Variants in SLIT2 observed in about 807,000 individuals in gnomAD.
The protein encoded by SLIT2 is slit homolog 2 protein.
A neutral mutation model predicts 185.7 loss-of-function variants in SLIT2; 41 were observed. The ratio of observed to expected loss-of-function variants is 0.22; its 90% CI spans 0.17 to 0.29. The LOEUF (loss-of-function observed/expected upper bound fraction) is 0.29, where lower values mean the gene tolerates loss of function less well. Ranked by LOEUF, SLIT2 falls within the 10% of genes least tolerant of loss-of-function variation. SLIT2 has a pLI of 1.00. For missense variants in SLIT2, 1,571 were observed against 1,909.0 expected (o/e 0.82, Z 3.30); for synonymous variants, 693 against 680.2 (o/e 1.02, Z -0.29).
rs994857270 is a variant in SLIT2 at position 20,253,643 on chromosome 4, T to C, written c.-173T>C. 8 of 693,320 alleles carry C rather than the reference T, an allele frequency of 1.2e-5. No individual in the cohort carries two copies. In the African/African-American group the frequency reaches 1.4e-4, roughly 12 times the overall value. The allele number at this position is 693,320 out of a possible 1,614,324, so 42.9% of individuals were successfully genotyped here. A position where few individuals can be genotyped will look rare whatever the true frequency, so the allele number is the denominator to read the frequency against. ...AGGGTGGAGAGGGCGGTGGGAGGCGTGTGCCTGAGTGGGCTCTACTGCCTT... is the reference window on the plus strand; with the variant it reads ...AGGGTGGAGAGGGCGGTGGGAGGCGCGTGCCTGAGTGGGCTCTACTGCCTT... On this transcript the variant is annotated 5_prime_UTR_variant, in exon 1 of 37. Coordinates refer to ENST00000504154, the MANE Select transcript of SLIT2 (RefSeq NM_004787.4).
intron 4 of SLIT2, among the ~76,000 whole-genome samples, chr4:20,391,806 T>C (rs983768426): frequency 1.3e-5 from 2 of 152,092 alleles, no homozygotes; most frequent in African/African-American, 4.8e-5. Flanking sequence ...GATATCTATA[T>C]GGTTCTTTTC....
intron 34 of SLIT2, among the ~76,000 whole-genome samples, chr4:20,610,970 G>A (rs1729169321): frequency 2.0e-5 from 3 of 152,148 alleles, no homozygotes; most frequent in South Asian, 2.1e-4. Context: ...TCCCAATCTT[G>A]CCTCTATTTG....
chr4:20,433,258 G>T (rs1214998282), intron 4 of SLIT2, among the ~76,000 whole-genome samples: 1 of 152,218 alleles, frequency 6.6e-6, no homozygotes, highest in Non-Finnish European at 1.5e-5. Flanking sequence ...TCTGCCTAAT[G>T]AACTACCGAG....
chr4:20,466,158 CT>C (rs1714330862), intron 4 of SLIT2, among the ~76,000 whole-genome samples: 1 of 152,036 alleles, frequency 6.6e-6, no homozygotes, highest in Non-Finnish European at 1.5e-5. Flanking sequence ...TCTCTCTTTG[CT>C]TTCTCTTTGT....
chr4:20,429,509 C>T (rs987369489), intron 4 of SLIT2, among the ~76,000 whole-genome samples: 3 of 152,122 alleles, frequency 2.0e-5, no homozygotes, highest in Non-Finnish European at 2.9e-5. Context: ...GATGGAGAAC[C>T]TGGAAGTAAT....
intron 29 of SLIT2, among the ~76,000 whole-genome samples, chr4:20,574,943 T>TGGAAAACAAATATACA (rs1370630842): frequency 6.6e-6 from 1 of 152,130 alleles, no homozygotes. Context: ...AAACAAATGG[T>TGGAAAACAAATATACA]TTCATATTTT....
chr4:20,326,909 G>A (rs1366246486), intron 4 of SLIT2, among the ~76,000 whole-genome samples: 1 of 151,298 alleles, frequency 6.6e-6, no homozygotes, highest in East Asian at 1.9e-4. Flanking sequence ...CTAATTCTTA[G>A]AAAGCATAGA....
intron 30 of SLIT2, among the ~76,000 whole-genome samples, chr4:20,594,070 A>G (rs1176125230): frequency 6.7e-6 from 1 of 149,862 alleles, no homozygotes; most frequent in East Asian, 2.0e-4. Context: ...CAAAGCCTGA[A>G]TTCTGCAGAG....
At chr4:20,278,160 T>G (rs996829283) in intron 4 of SLIT2, among the ~76,000 whole-genome samples, 7 of 152,146 alleles carry the variant, frequency 4.6e-5, no homozygotes. Context: ...AATGAACATG[T>G]CATTATGATG....
intron 4 of SLIT2, among the ~76,000 whole-genome samples, chr4:20,339,298 G>T (rs1416067988): frequency 6.6e-6 from 1 of 151,848 alleles, no homozygotes; most frequent in Non-Finnish European, 1.5e-5. Context: ...TTTCTCAGTG[G>T]TCTACTTGGT....
chr4:20,458,170 T>A (rs1713301584), intron 4 of SLIT2, among the ~76,000 whole-genome samples: 1 of 151,850 alleles, frequency 6.6e-6, no homozygotes, highest in Admixed American at 6.6e-5. Flanking sequence ...GTGAACGTAC[T>A]TAACACCAGT....
rs1717707230 is a variant in SLIT2 at position 20,490,708 on chromosome 4, C to A, written c.776-1053C>A. Reference sequence around the variant, plus strand: ...ATATCATGGAATGTTCTCAATATGTCTGATTGCTTTTTTAAAAAATTAAAT... The same window carrying A: ...ATATCATGGAATGTTCTCAATATGTATGATTGCTTTTTTAAAAAATTAAAT... On this transcript the variant is annotated intron_variant, in intron 8 of 36. Coordinates refer to ENST00000504154, the MANE Select transcript of SLIT2 (RefSeq NM_004787.4). 3 of 885,378 alleles carry A rather than the reference C, an allele frequency of 3.4e-6. No homozygotes were observed. The African/African-American group carries it at 5.1e-5, about 15-fold the overall frequency. 54.8% of individuals were successfully genotyped at this position (885,378 alleles called of 1,614,324 possible). A position where few individuals can be genotyped will look rare whatever the true frequency, so the allele number is the denominator to read the frequency against.
At chr4:20,478,620 G>A (rs1482097457) in intron 5 of SLIT2, among the ~76,000 whole-genome samples, 4 of 152,136 alleles carry the variant, frequency 2.6e-5, no homozygotes, top group Non-Finnish European at 5.9e-5. Flanking sequence ...AATAAGATAT[G>A]GGCAAACATA....
At chr4:20,396,076 T>C (rs1725861602) in intron 4 of SLIT2, among the ~76,000 whole-genome samples, 1 of 151,914 alleles carries the variant, frequency 6.6e-6, no homozygotes, top group Non-Finnish European at 1.5e-5. Flanking sequence ...GGTACATACC[T>C]TGGAAATGTT....
chr4:20,269,309 C>A lies in SLIT2; in HGVS notation c.395+428C>A, dbSNP rs73803837. On this transcript the variant is annotated intron_variant, in intron 4 of 36. Coordinates refer to ENST00000504154, the MANE Select transcript of SLIT2 (RefSeq NM_004787.4). Reference sequence around the variant, plus strand: ...GCTCAAGTAGTCGTGTTTATTAGTCCGAAATATTATTATAAGGTATTTAAA... The same window carrying A: ...GCTCAAGTAGTCGTGTTTATTAGTCAGAAATATTATTATAAGGTATTTAAA... 3.3e-5 allele frequency among the ~76,000 whole-genome samples: 5 copies of A among 151,650 alleles called. No homozygotes were observed. The South Asian group carries it at 1.0e-3, about 32-fold the overall frequency.
At chr4:20,511,287 C>A in intron 11 of SLIT2, 150 bp downstream of exon 11, 2 of 523,678 alleles carry the variant, frequency 3.8e-6, no homozygotes, top group Non-Finnish European at 3.4e-6. Flanking sequence ...ACTTCTGGGT[C>A]CCATTATTTT....
chr4:20,532,770 C>T (rs542176526), intron 17 of SLIT2, among the ~76,000 whole-genome samples: 2 of 152,342 alleles, frequency 1.3e-5, no homozygotes, highest in South Asian at 2.1e-4. Flanking sequence ...CCATATTAGC[C>T]TACCTCCCAA....
chr4:20,252,255 G>C lies in SLIT2; in HGVS notation c.-1561G>C, dbSNP rs2108997344. ...CTTCCTTCCAGACAAGCGAGACTTG[G>C]GCTGCTGCGTCCGTCCTATTGTTTA... On this transcript the variant is annotated 5_prime_UTR_variant, in exon 1 of 37. Transcript: ENST00000504154. 6.6e-6 allele frequency among the ~76,000 whole-genome samples: 1 copy of C among 152,278 alleles called. No homozygotes were observed. Among genetic ancestry groups the C allele is most frequent in the Admixed American group, 6.5e-5 (1 of 15,308 alleles).
intron 4 of SLIT2, among the ~76,000 whole-genome samples, chr4:20,275,278 A>G (rs1209795828): frequency 6.6e-6 from 1 of 152,144 alleles, no homozygotes; most frequent in African/African-American, 2.4e-5. Flanking sequence ...TTAAATGCCT[A>G]CTCAGATACT....
Sources: allele counts gnomAD v4.1 joint callset (sites outside exome capture counted in the v4.1 genomes callset), GRCh38; gene constraint gnomAD v4.1.1; transcripts MANE v1.5; gene names NCBI Gene and HGNC (gene_info 2026-07-23, HGNC 2026-07-21).